ZNF620: variants seen among roughly 807,000 people sequenced by gnomAD.
ZNF620 encodes the protein zinc finger protein 620.
In ZNF620, 10 loss-of-function variants were observed where a neutral mutation model predicts 13.3. That is an observed-to-expected ratio of 0.75 (90% CI 0.46 to 1.28). The LOEUF is 1.28. Ranked by LOEUF, ZNF620 falls within the 50% of genes most tolerant of loss-of-function variation. The probability of loss-of-function intolerance (pLI) is 0.00; values close to 1 mark genes in which losing one functional copy is unlikely to be tolerated. For missense variants in ZNF620, 461 were observed against 500.2 expected, an observed-to-expected ratio of 0.92 and a Z score of 0.75; for synonymous variants, 166 against 177.6, an observed-to-expected ratio of 0.93 and a Z score of 0.52.
At chr3:40,510,218 G>A (rs1470636131) in intron 2 of ZNF620, among the ~76,000 whole-genome samples, 1 of 152,086 alleles carries the variant, frequency 6.6e-6, no homozygotes, top group Non-Finnish European at 1.5e-5. Context: ...TCACCATGTT[G>A]CCCAGGCTGG....
Position 40,516,317 on chromosome 3 carries a change from G to T in ZNF620, c.723G>T (p.Arg241=), listed in dbSNP as rs1559552526. ...KYFRYNSLLI[R]HQIIHTGKKP... ...TCAGATATAACTCATTACTTATTCG[G>T]CATCAGATAATTCACACTGGAAAGA... Residue 241 remains arginine (R), a synonymous_variant, in exon 5 of 5, where the codon CGG becomes CGT. Coordinates refer to ENST00000314529, the MANE Select transcript of ZNF620 (RefSeq NM_175888.4). The T allele has an allele frequency of 3.1e-6, 5 of 1,614,154 alleles. No homozygotes were observed. Among genetic ancestry groups the T allele is most frequent in the Non-Finnish European group, 4.2e-6 (5 of 1,180,020 alleles).
chr3:40,513,142 C>G (rs1319208644), intron 4 of ZNF620, among the ~76,000 whole-genome samples: 2 of 151,440 alleles, frequency 1.3e-5, no homozygotes, highest in African/African-American at 4.9e-5. Context: ...AGGTGAATAA[C>G]TTTCTCACTT....
At chr3:40,512,210 G>A (rs1316978687) in intron 3 of ZNF620, among the ~76,000 whole-genome samples, 192 bp from the exon 4 acceptor site, 2 of 152,212 alleles carry the variant, frequency 1.3e-5, no homozygotes, top group African/African-American at 4.8e-5. Flanking sequence ...TCCCTTATGT[G>A]AGCGTGGGAT....
rs748993237 is a variant in ZNF620 at position 40,506,328 on chromosome 3, AGT to A, written c.-19_-18del. 39 of 1,614,042 alleles carry A rather than the reference AGT, an allele frequency of 2.4e-5. No individual in the cohort carries two copies. The South Asian group carries it at 4.2e-4, about 17-fold the overall frequency. ...GTTTCACTTCTCCGAACCCTGAGGC[AGT>A]GTGTGAAGCTGGGACGCCAGCCATG... is the stretch of plus-strand genomic sequence containing the variant. On this transcript the variant is annotated 5_prime_UTR_variant, in exon 2 of 5. Transcript: ENST00000314529.
At position 40,511,464 on chromosome 3, in the gene ZNF620, T is replaced by C; in HGVS notation, c.25-6T>C. On this transcript the variant is annotated splice_region_variant and splice_polypyrimidine_tract_variant and intron_variant, in intron 2 of 4. Transcript: ENST00000314529. ...ACAGGGTTTGAGCAGGAACTTGTTG[T>C]TTTAGGAACCAGTGACCTTTGAGGA... 1 of 1,612,404 alleles carries C rather than the reference T, an allele frequency of 6.2e-7. No homozygotes were observed. The highest frequency in any genetic ancestry group is 8.5e-7 in the Non-Finnish European group (1 of 1,178,958).
intron 4 of ZNF620, among the ~76,000 whole-genome samples, chr3:40,513,316 A>ATATATATATATAT (rs1553657106): frequency 3.2e-5 from 2 of 62,670 alleles, no homozygotes; most frequent in Non-Finnish European, 5.4e-5. Context: ...AAAAAAAAAA[A>ATATATATATATAT]ATATATATAT....
Position 40,511,487 on chromosome 3 carries a change from G to A in ZNF620, c.42G>A (p.Glu14=), listed in dbSNP as rs1698195772. The A allele has an allele frequency of 1.9e-6, 3 of 1,613,536 alleles. No individual in the cohort carries two copies. In the African/African-American group the frequency reaches 4.0e-5, roughly 22 times the overall value. ...TGTTTTAGGAACCAGTGACCTTTGA[G>A]GATGTGGCTGTGTACTTCACCCAGA... ...TAWRQEPVTF[E]DVAVYFTQNE... The change falls in exon 3 of 5, where the codon GAG becomes GAA. Residue 14 remains glutamate, a synonymous_variant. Coordinates refer to ENST00000314529, the MANE Select transcript of ZNF620 (RefSeq NM_175888.4).
In ZNF620 at chr3:40,512,414, C is replaced by T. The variant is rs144633535; in HGVS notation, c.164C>T (p.Thr55Ile). Residue 55 changes from threonine (T) to isoleucine (I), a missense_variant, in exon 4 of 5, where the codon ACC (threonine) becomes ATC (isoleucine). Transcript: ENST00000314529. ...ANVASLAFPF[T>I]TPVLVSQLEQ... ...TCTCCCTGGGCAGCATTCCCATTCA[C>T]CACGCCTGTTCTGGTCTCCCAGCTG... 1.6e-4 allele frequency: 265 copies of T among 1,614,066 alleles called. No individual in the cohort carries two copies. The highest frequency in any genetic ancestry group is 2.2e-4 in the Non-Finnish European group (257 of 1,180,008).
intron 2 of ZNF620, among the ~76,000 whole-genome samples, chr3:40,510,842 C>T (rs1016091559): frequency 3.9e-5 from 6 of 152,084 alleles, no homozygotes; most frequent in South Asian, 2.1e-4. Flanking sequence ...TCGACCTCCC[C>T]GAGCTCAGGT....
Position 40,516,011 on chromosome 3 carries a change from T to C in ZNF620, c.417T>C (p.His139=), listed in dbSNP as rs1575295207. 4 of 1,614,056 alleles carry C rather than the reference T, an allele frequency of 2.5e-6. No homozygotes were observed. Among genetic ancestry groups the C allele is most frequent in the Admixed American group, 1.7e-5 (1 of 60,000 alleles). The change falls in exon 5 of 5, where the codon CAT becomes CAC. Residue 139 remains histidine (H), a synonymous_variant. Coordinates refer to ENST00000314529, the MANE Select transcript of ZNF620 (RefSeq NM_175888.4). The part of the protein sequence containing the change: ...FGSSLEQPQG[H]WIIKTKSKRR... ...GCAGCCTAGAGCAGCCACAAGGTCA[T>C]TGGATAATTAAGACAAAGTCAAAGA...
At chr3:40,507,832 A>G (rs1209796444) in intron 2 of ZNF620, among the ~76,000 whole-genome samples, 1 of 151,998 alleles carries the variant, frequency 6.6e-6, no homozygotes, top group Admixed American at 6.5e-5. Flanking sequence ...GGTTTTCTCT[A>G]TGTTGCCCAG....
At position 40,515,935 on chromosome 3, in the gene ZNF620, T is replaced by C; in HGVS notation, c.341T>C (p.Leu114Pro). 1 of 1,614,074 alleles carries C rather than the reference T, an allele frequency of 6.2e-7. No homozygotes were observed. Among genetic ancestry groups the C allele is most frequent in the Non-Finnish European group, 8.5e-7 (1 of 1,180,018 alleles). ...TCCAAAGAAACAGAGTCCTTCAGAC[T>C]GATGGTGGGGGGCCTGCCAGGGAAT... Reference protein sequence around the residue: ...HVSKETESFRLMVGGLPGNVS... With the variant: ...HVSKETESFRPMVGGLPGNVS... Residue 114 changes from leucine to proline, a missense_variant, in exon 5 of 5, where the codon CTG becomes CCG. By Grantham distance (98) the Leu-to-Pro change is moderately conservative. Coordinates refer to ENST00000314529, the MANE Select transcript of ZNF620 (RefSeq NM_175888.4).
chr3:40,513,322 T>A (rs1413000980), intron 4 of ZNF620, among the ~76,000 whole-genome samples: 817 of 36,892 alleles, frequency 0.022, 49 homozygotes, highest in African/African-American at 0.11. Context: ...AAAAAATATA[T>A]ATATATATAT....
At chr3:40,513,316 AATATATATATATATATATAT>A (rs71618944) in intron 4 of ZNF620, among the ~76,000 whole-genome samples, 2 of 62,684 alleles carry the variant, frequency 3.2e-5, no homozygotes, top group Admixed American at 3.7e-4. Flanking sequence ...AAAAAAAAAA[AATATATATATATATATATAT>A]ATATATATAT....
intron 1 of ZNF620, 56 bp downstream of exon 1, chr3:40,506,194 T>G: frequency 1.1e-6 from 1 of 906,122 alleles, no homozygotes; most frequent in African/African-American, 1.6e-5. Flanking sequence ...CCCCTTTGCT[T>G]TTTGGGGTGA....
chr3:40,510,834 G>A (rs1006391928), intron 2 of ZNF620, among the ~76,000 whole-genome samples: 3 of 151,916 alleles, frequency 2.0e-5, no homozygotes, highest in Non-Finnish European at 4.4e-5. Context: ...CTGCAGCCTC[G>A]ACCTCCCCGA....
Position 40,506,143 on chromosome 3 carries a change from C to T in ZNF620, c.-50+5C>T, listed in dbSNP as rs1468427563. The T allele has an allele frequency of 2.2e-5, 14 of 649,588 alleles. 1 individual carries two copies. The Admixed American group carries it at 2.3e-4, about 11-fold the overall frequency. 40.2% of individuals were successfully genotyped at this position (649,588 alleles called of 1,614,324 possible). A position where few individuals can be genotyped will look rare whatever the true frequency, so the allele number is the denominator to read the frequency against. ...CTGAAGAGGTTCGCGGTCCGGGTAA[C>T]TGATTGGTTTTCCTGGGGCTTGTTC... On this transcript the variant is annotated splice_donor_5th_base_variant and intron_variant, in intron 1 of 4. Coordinates refer to ENST00000314529, the MANE Select transcript of ZNF620 (RefSeq NM_175888.4).
chr3:40,513,316 A>AAAATATATAT (rs1193351404), intron 4 of ZNF620, among the ~76,000 whole-genome samples: 37 of 62,658 alleles, frequency 5.9e-4, no homozygotes, highest in East Asian at 1.4e-3. Flanking sequence ...AAAAAAAAAA[A>AAAATATATAT]ATATATATAT....
At chr3:40,512,548 G>T in intron 4 of ZNF620, 33 bp downstream of exon 4, 4 of 1,478,886 alleles carry the variant, frequency 2.7e-6, no homozygotes, top group Non-Finnish European at 3.7e-6. Flanking sequence ...TGCCTTTTTG[G>T]CTTGGCTTGC....
Sources: allele counts gnomAD v4.1 joint callset (sites outside exome capture counted in the v4.1 genomes callset), GRCh38; gene constraint gnomAD v4.1.1; transcripts MANE v1.5; gene names NCBI Gene and HGNC (gene_info 2026-07-23, HGNC 2026-07-21).